Variants in WDR27 observed in about 807,000 individuals in gnomAD.
WDR27 encodes WD repeat-containing protein 27.
WDR27 carries 100 observed loss-of-function variants against 114.4 expected under a neutral mutation model. The observed-to-expected ratio is 0.87, with a 90% CI of 0.74 to 1.03. The LOEUF (loss-of-function observed/expected upper bound fraction) is 1.03. WDR27 is among the 50% of genes least tolerant of loss of function. The pLI is 0.00. For missense variants in WDR27, 1,129 were observed against 1,092.9 expected, an observed-to-expected ratio of 1.03 and a Z score of -0.47; for synonymous variants, 449 against 423.1, an observed-to-expected ratio of 1.06 and a Z score of -0.75.
chr6:169,470,515 G>T (rs1160922166), intron 25 of WDR27, among the ~76,000 whole-genome samples: 2 of 152,208 alleles, frequency 1.3e-5, no homozygotes, highest in African/African-American at 4.8e-5. Context: ...ATCATTTGCA[G>T]TTCTGGAGCT....
At chr6:169,599,927 C>T (rs1268340572) in intron 23 of WDR27, among the ~76,000 whole-genome samples, 1 of 151,898 alleles carries the variant, frequency 6.6e-6, no homozygotes, top group African/African-American at 2.4e-5. Flanking sequence ...CTACACACTG[C>T]TTTGAATGTG....
intron 25 of WDR27, among the ~76,000 whole-genome samples, chr6:169,571,673 T>A (rs1351427185): frequency 3.2e-4 from 49 of 152,024 alleles, no homozygotes; most frequent in Admixed American, 3.1e-3. Context: ...ATACAAACAA[T>A]AAATAAATAA....
intron 25 of WDR27, among the ~76,000 whole-genome samples, chr6:169,487,585 G>A (rs1003807067): frequency 6.6e-6 from 1 of 152,186 alleles, no homozygotes; most frequent in Non-Finnish European, 1.5e-5. Flanking sequence ...ATAACCCAAA[G>A]TGAGCCATGA....
chr6:169,480,893 T>C (rs1014384894), intron 25 of WDR27, among the ~76,000 whole-genome samples: 2 of 152,068 alleles, frequency 1.3e-5, no homozygotes, highest in Non-Finnish European at 2.9e-5. Context: ...ATCAGTGCTC[T>C]GTGTCTAGCT....
the WDR27 span, among the ~76,000 whole-genome samples, chr6:169,446,288 T>C: frequency 6.6e-6 from 1 of 151,708 alleles, no homozygotes; most frequent in Non-Finnish European, 1.5e-5. Context: ...AGAGGCAGGG[T>C]GGGGGGACTT....
intron 23 of WDR27, among the ~76,000 whole-genome samples, chr6:169,599,358 A>G (rs936751966): frequency 6.6e-6 from 1 of 152,202 alleles, no homozygotes; most frequent in African/African-American, 2.4e-5. Context: ...ATTTAGCTGA[A>G]TTGTTCACAT....
At chr6:169,477,371 A>G (rs1787326235) in intron 25 of WDR27, among the ~76,000 whole-genome samples, 1 of 152,230 alleles carries the variant, frequency 6.6e-6, no homozygotes, top group Admixed American at 6.5e-5. Flanking sequence ...ATTCTTATAT[A>G]TCCCTCTGGC....
intron 2 of WDR27, among the ~76,000 whole-genome samples, chr6:169,675,282 T>G (rs2077181642): frequency 6.6e-6 from 1 of 152,098 alleles, no homozygotes; most frequent in African/African-American, 2.4e-5. Flanking sequence ...TTTAAAAGTG[T>G]GTGGTACCTC....
At chr6:169,554,119 T>A (rs3765401) in intron 25 of WDR27, among the ~76,000 whole-genome samples, 15,795 of 152,190 alleles carry the variant, frequency 0.1, 1,853 homozygotes, top group East Asian at 0.59. Flanking sequence ...AATAACCAAG[T>A]GGAATAAGGC....
intron 1 of WDR27, among the ~76,000 whole-genome samples, chr6:169,692,474 C>T (rs528736123): frequency 2.7e-5 from 4 of 150,350 alleles, no homozygotes; most frequent in Admixed American, 2.0e-4. Flanking sequence ...CAGCCATGCT[C>T]GTTTTCTCAG....
At chr6:169,600,067 C>T (rs890438145) in intron 23 of WDR27, among the ~76,000 whole-genome samples, 1 of 152,060 alleles carries the variant, frequency 6.6e-6, no homozygotes, top group Non-Finnish European at 1.5e-5. Flanking sequence ...TGTAGTTGAG[C>T]GGTTTTGAGT....
chr6:169,660,807 A>C (rs765650018), intron 9 of WDR27, 41 bp from the exon 10 acceptor site: 3 of 1,576,962 alleles, frequency 1.9e-6, no homozygotes, highest in Non-Finnish European at 1.7e-6. Flanking sequence ...CAATAATCTT[A>C]TTCCTGAAGG....
At chr6:169,679,493 G>A (rs1382875380) in intron 2 of WDR27, among the ~76,000 whole-genome samples, 2 of 152,152 alleles carry the variant, frequency 1.3e-5, no homozygotes, top group African/African-American at 4.8e-5. Flanking sequence ...TGTTGGAGGT[G>A]GGGTCTGGTG....
chr6:169,566,977 G>C (rs1800603409), intron 25 of WDR27, among the ~76,000 whole-genome samples: 1 of 152,176 alleles, frequency 6.6e-6, no homozygotes, highest in African/African-American at 2.4e-5. Flanking sequence ...CAGAGGGGAG[G>C]CATCCCACAT....
intron 14 of WDR27, 21 bp from the exon 15 acceptor site, chr6:169,649,296 T>TAA (rs1490638819): frequency 6.5e-7 from 1 of 1,542,672 alleles, no homozygotes; most frequent in Non-Finnish European, 8.8e-7. Flanking sequence ...AAAACTCTAA[T>TAA]ATCACTCTCA....
the WDR27 span, among the ~76,000 whole-genome samples, chr6:169,441,738 A>G: frequency 1.3e-5 from 2 of 152,234 alleles, no homozygotes; most frequent in African/African-American, 2.4e-5. Flanking sequence ...ACAACAATGC[A>G]TAACATTTTT....
At position 169,652,087 on chromosome 6, in the gene WDR27, C is replaced by A; in HGVS notation, c.1403-79G>T. 3 of 1,275,572 alleles carry A rather than the reference C, an allele frequency of 2.4e-6. No individual in the cohort carries two copies. The South Asian group carries it at 4.0e-5, about 17-fold the overall frequency. 79.0% of individuals were successfully genotyped at this position (1,275,572 alleles called of 1,614,324 possible). A position where few individuals can be genotyped will look rare whatever the true frequency, so the allele number is the denominator to read the frequency against. ...GATGGACATGAGAAGAACAGAGTCT[C>A]TTCAAAACAGAAACATTCACACAAA... On this transcript the variant is annotated intron_variant, in intron 13 of 25. Coordinates refer to ENST00000448612, the MANE Select transcript of WDR27 (RefSeq NM_182552.5).
At chr6:169,496,189 G>C (rs1221922121) in intron 25 of WDR27, among the ~76,000 whole-genome samples, 1 of 151,742 alleles carries the variant, frequency 6.6e-6, no homozygotes, top group Non-Finnish European at 1.5e-5. Context: ...AATTGGTGCA[G>C]GAAAAAACAC....
chr6:169,455,621 G>C (rs1339111527), downstream of WDR27, among the ~76,000 whole-genome samples: 1 of 152,234 alleles, frequency 6.6e-6, no homozygotes, highest in South Asian at 2.1e-4. Context: ...ATCGGAACCA[G>C]GCAGGGAAGC....
Sources: gnomAD v4.1 joint callset for allele counts (sites outside exome capture counted in the v4.1 genomes callset) on GRCh38, gnomAD v4.1.1 for gene constraint, MANE v1.5 for transcripts, NCBI Gene and HGNC (gene_info 2026-07-23, HGNC 2026-07-21) for gene names.